The following AFG2A variants were observed in gnomAD, a reference collection of about 807,000 sequenced individuals.
The protein encoded by AFG2A is AAA ATPase AFG2A.
chr4:123,070,065 T>A, the AFG2A span, among the ~76,000 whole-genome samples: 1 of 152,158 alleles, frequency 6.6e-6, no homozygotes, highest in Admixed American at 6.6e-5. Flanking sequence ...TGACTGTTAA[T>A]CTGGATGCAT....
chr4:123,173,358 T>G, the AFG2A span, among the ~76,000 whole-genome samples: 1 of 121,822 alleles, frequency 8.2e-6, no homozygotes, highest in South Asian at 3.0e-4. Context: ...TTTTTTTTTT[T>G]TTTTTTTTTT....
At chr4:122,931,080 G>A in the AFG2A span, among the ~76,000 whole-genome samples, 1 of 151,952 alleles carries the variant, frequency 6.6e-6, no homozygotes. Context: ...GCTCCTTCTA[G>A]TGGAAATTAT....
chr4:123,124,664 TC>T, the AFG2A span, among the ~76,000 whole-genome samples: 2 of 152,174 alleles, frequency 1.3e-5, no homozygotes, highest in Non-Finnish European at 2.9e-5. Flanking sequence ...AAAACCATGT[TC>T]TTATTGGACC....
the AFG2A span, among the ~76,000 whole-genome samples, chr4:123,211,577 A>G: frequency 3.3e-3 from 509 of 152,324 alleles, no homozygotes; most frequent in Non-Finnish European, 6.2e-3. Context: ...GCCACAGCTA[A>G]GAGTAAATGA....
the AFG2A span, among the ~76,000 whole-genome samples, chr4:123,087,117 T>G: frequency 6.6e-6 from 1 of 152,334 alleles, no homozygotes; most frequent in Admixed American, 6.5e-5. Flanking sequence ...TCGTAGGCCT[T>G]GTAATCTTTC....
the AFG2A span, among the ~76,000 whole-genome samples, chr4:123,064,902 C>T: frequency 6.6e-6 from 1 of 152,258 alleles, no homozygotes; most frequent in Admixed American, 6.5e-5. Context: ...TTGGACCCCA[C>T]TTAGTGTATT....
At chr4:123,091,828 G>A in the AFG2A span, among the ~76,000 whole-genome samples, 1 of 152,132 alleles carries the variant, frequency 6.6e-6, no homozygotes, top group East Asian at 1.9e-4. Context: ...GTAAACATTT[G>A]CTCTCAGAGC....
At chr4:122,959,002 G>A in the AFG2A span, among the ~76,000 whole-genome samples, 3 of 152,182 alleles carry the variant, frequency 2.0e-5, no homozygotes, top group African/African-American at 4.8e-5. Flanking sequence ...TGTAGAGCTC[G>A]TGAAAACACA....
the AFG2A span, among the ~76,000 whole-genome samples, chr4:122,974,217 A>C: frequency 3.9e-5 from 6 of 152,020 alleles, no homozygotes; most frequent in African/African-American, 1.4e-4. Context: ...CCCTTCCTTA[A>C]ATGAAAATAA....
the AFG2A span, among the ~76,000 whole-genome samples, chr4:123,115,741 G>C: frequency 6.6e-6 from 1 of 152,042 alleles, no homozygotes; most frequent in Admixed American, 6.5e-5. Flanking sequence ...CACCACAGCC[G>C]GTCCCGGCTG....
the AFG2A span, among the ~76,000 whole-genome samples, chr4:123,223,273 A>G: frequency 2.2e-3 from 335 of 152,202 alleles, 2 homozygotes; most frequent in Middle Eastern, 0.014. Context: ...TTTGATTTAC[A>G]TTCCCTCAGT....
At chr4:122,947,396 C>T in the AFG2A span, 5 of 1,613,964 alleles carry the variant, frequency 3.1e-6, no homozygotes, top group Admixed American at 8.3e-5. Flanking sequence ...CGAAGGGTAC[C>T]CCATTTGCTC....
At chr4:123,311,543 C>G in the AFG2A span, among the ~76,000 whole-genome samples, 1 of 146,650 alleles carries the variant, frequency 6.8e-6, no homozygotes, top group Admixed American at 7.0e-5. Context: ...AGAAGAATCG[C>G]TTGAACCCAG....
chr4:123,090,666 C>T, the AFG2A span: 1 of 1,614,058 alleles, frequency 6.2e-7, no homozygotes, highest in Non-Finnish European at 8.5e-7. Flanking sequence ...AGGATGTGAC[C>T]ATTTTGGCAG....
chr4:123,291,997 C>A, the AFG2A span, among the ~76,000 whole-genome samples: 1 of 152,134 alleles, frequency 6.6e-6, no homozygotes, highest in Non-Finnish European at 1.5e-5. Context: ...CTCTCAGGAA[C>A]ACTTATGATT....
the AFG2A span, among the ~76,000 whole-genome samples, chr4:122,995,812 TAA>T: frequency 6.6e-6 from 1 of 152,240 alleles, no homozygotes; most frequent in Non-Finnish European, 1.5e-5. Flanking sequence ...CAGTGCTCTT[TAA>T]ATACTTCATG....
the AFG2A span, among the ~76,000 whole-genome samples, chr4:123,108,519 T>C: frequency 6.6e-6 from 1 of 152,214 alleles, no homozygotes; most frequent in African/African-American, 2.4e-5. Context: ...GTACAATTTA[T>C]GGCCTAAAAG....
chr4:123,187,520 T>C, the AFG2A span, among the ~76,000 whole-genome samples: 1 of 152,210 alleles, frequency 6.6e-6, no homozygotes. Context: ...ATATAGTCTT[T>C]AATTTAGTTA....
chr4:123,046,771 A>G, the AFG2A span, among the ~76,000 whole-genome samples: 1 of 151,724 alleles, frequency 6.6e-6, no homozygotes, highest in African/African-American at 2.4e-5. Context: ...CCATTAGCCA[A>G]TTTTTTTTCA....
Sources: gnomAD v4.1 joint callset for allele counts (sites outside exome capture counted in the v4.1 genomes callset) on GRCh38, gnomAD v4.1.1 for gene constraint, MANE v1.5 for transcripts, NCBI Gene and HGNC (gene_info 2026-07-23, HGNC 2026-07-21) for gene names.